Variants in SLC18A1 observed in about 807,000 individuals in gnomAD.
The protein encoded by SLC18A1 is solute carrier family 18 member A1, also known as chromaffin granule amine transporter.
Under a neutral mutation model 53.7 loss-of-function variants are expected in SLC18A1, and 69 were observed. The ratio of observed to expected loss-of-function variants is 1.28; its 90% CI spans 1.06 to 1.57. SLC18A1 has a LOEUF of 1.57. Among genes scored for constraint, SLC18A1 ranks in the 40% most tolerant of loss-of-function variants. SLC18A1 has a pLI of 0.00. For synonymous variants in SLC18A1, 320 were observed against 248.1 expected (o/e 1.29, Z -2.72); for missense variants, 932 against 668.1 (o/e 1.40, Z -4.35).
intron 6 of SLC18A1, among the ~76,000 whole-genome samples, chr8:20,172,611 G>A (rs1374614304): frequency 6.6e-6 from 1 of 152,192 alleles, no homozygotes; most frequent in Non-Finnish European, 1.5e-5. Flanking sequence ...TCCTAGCTGT[G>A]TGATGTTGGA....
chr8:20,162,034 A>G (rs1414974243), intron 10 of SLC18A1, among the ~76,000 whole-genome samples: 2 of 152,172 alleles, frequency 1.3e-5, no homozygotes, highest in African/African-American at 4.8e-5. Flanking sequence ...TGCACCACAT[A>G]GACACCACCA....
chr8:20,182,971 A>C (rs2072466722), intron 1 of SLC18A1, 92 bp downstream of exon 1: 1 of 152,252 alleles, frequency 6.6e-6, no homozygotes, highest in African/African-American at 2.4e-5. Flanking sequence ...CCAACAAATC[A>C]ATAGTAAACT....
In SLC18A1 at chr8:20,181,062, G is replaced by C. The variant is rs556980767; in HGVS notation, c.-98C>G. On this transcript the variant is annotated 5_prime_UTR_variant, in exon 2 of 16. Transcript: ENST00000276373. ...TGCAGCCTTTATGGAAGAGGGGAGG[G>C]AGTCTGCCCAGACGAAGGAAACTCA... is the stretch of plus-strand genomic sequence containing the variant. The C allele has an allele frequency of 3.5e-6, 5 of 1,424,646 alleles. 1 individual carries two copies. In the South Asian group the frequency reaches 6.9e-5, roughly 20 times the overall value. 88.3% of individuals were successfully genotyped at this position (1,424,646 alleles called of 1,614,324 possible).
At chr8:20,183,025 G>A (rs2072468199) in intron 1 of SLC18A1, 38 bp downstream of exon 1, 2 of 152,160 alleles carry the variant, frequency 1.3e-5, no homozygotes, top group South Asian at 2.1e-4. Flanking sequence ...CAAATCACAA[G>A]GAAAGATTAA....
At chr8:20,174,595 T>C (rs2072211457) in intron 4 of SLC18A1, 151 bp from the exon 5 acceptor site, 1 of 607,066 alleles carries the variant, frequency 1.6e-6, no homozygotes, top group Non-Finnish European at 3.0e-6. Context: ...TTTTGAGTTG[T>C]CTTTTCAATC....
intron 6 of SLC18A1, 80 bp from the exon 7 acceptor site, chr8:20,171,574 A>T: frequency 8.7e-7 from 1 of 1,151,722 alleles, no homozygotes; most frequent in Non-Finnish European, 1.3e-6. Context: ...TTACCCCGTG[A>T]GCATTTGCAG....
intron 8 of SLC18A1, among the ~76,000 whole-genome samples, chr8:20,167,189 A>G (rs114831306): frequency 0.014 from 2,117 of 152,172 alleles, 51 homozygotes; most frequent in African/African-American, 0.049. Flanking sequence ...ATCATGCATT[A>G]CATAATCACA....
chr8:20,177,364 C>T (rs182541647), intron 4 of SLC18A1, among the ~76,000 whole-genome samples: 2 of 152,100 alleles, frequency 1.3e-5, no homozygotes, highest in African/African-American at 4.8e-5. Context: ...AAGAGGAAGA[C>T]AGAAAGTAGA....
At chr8:20,177,103 T>A (rs1000869690) in intron 4 of SLC18A1, among the ~76,000 whole-genome samples, 2 of 152,332 alleles carry the variant, frequency 1.3e-5, no homozygotes, top group East Asian at 1.9e-4. Flanking sequence ...GCACCTGGCA[T>A]CTTATTATTT....
intron 4 of SLC18A1, chr8:20,175,347 C>G (rs1249513035): frequency 1.3e-5 from 2 of 152,156 alleles, no homozygotes; most frequent in Non-Finnish European, 2.9e-5. Flanking sequence ...GACATACATC[C>G]TCAGTTTACG....
chr8:20,161,375 A>T (rs1365129753), intron 10 of SLC18A1, among the ~76,000 whole-genome samples: 13 of 152,222 alleles, frequency 8.5e-5, no homozygotes, highest in Admixed American at 8.5e-4. Flanking sequence ...ATAACAGTAC[A>T]AGATAAAAAT....
intron 11 of SLC18A1, 21 bp from the exon 12 acceptor site, chr8:20,149,748 T>A (rs767238642): frequency 7.4e-6 from 12 of 1,613,028 alleles, no homozygotes; most frequent in Non-Finnish European, 1.0e-5. Context: ...AAAGCCATCA[T>A]CAAACACCAC....
intron 6 of SLC18A1, among the ~76,000 whole-genome samples, 173 bp downstream of exon 6, chr8:20,172,862 TC>T (rs2072158340): frequency 6.6e-6 from 1 of 152,202 alleles, no homozygotes; most frequent in Admixed American, 6.5e-5. Context: ...TTTATGTGTT[TC>T]CCAGCTTCTT....
intron 13 of SLC18A1, 59 bp from the exon 14 acceptor site, chr8:20,147,781 TCTC>T: frequency 2.5e-6 from 4 of 1,593,796 alleles, no homozygotes; most frequent in Non-Finnish European, 2.6e-6. Flanking sequence ...CCACCCCGCC[TCTC>T]CTCCTCCATT....
intron 2 of SLC18A1, among the ~76,000 whole-genome samples, chr8:20,179,972 G>T (rs1029328397): frequency 1.3e-5 from 2 of 152,180 alleles, no homozygotes; most frequent in African/African-American, 4.8e-5. Flanking sequence ...TGGGACCCCT[G>T]GACAGGGTTT....
rs150898886 is a variant in SLC18A1, at chr8:20,151,299, A to C, written c.1016-555T>G. On this transcript the variant is annotated intron_variant, in intron 10 of 15. Coordinates refer to ENST00000276373, the MANE Select transcript of SLC18A1 (RefSeq NM_003053.4). ...CCCACACCTGGCCTAGCCTCAGTAC[A>C]TTTAATGTGCTTCCAGCTCCCCACT... Among the ~76,000 whole-genome samples, 1,081 of 152,084 alleles carry C rather than the reference A, an allele frequency of 7.1e-3. 10 individuals are homozygous for C. Among genetic ancestry groups the C allele is most frequent in the African/African-American group, 0.025 (1,038 of 41,498 alleles).
intron 10 of SLC18A1, among the ~76,000 whole-genome samples, chr8:20,161,517 C>T (rs1347693087): frequency 1.3e-5 from 2 of 152,060 alleles, no homozygotes. Flanking sequence ...AAATACGATG[C>T]CATTCTATGT....
At position 20,180,902 on chromosome 8, in the gene SLC18A1, C is replaced by G. The variant is rs2072408826; in HGVS notation, c.63G>C (p.Gln21His). 1.2e-6 allele frequency: 2 copies of G among 1,613,018 alleles called. No individual in the cohort carries two copies. Among genetic ancestry groups the G allele is most frequent in the Non-Finnish European group, 8.5e-7 (1 of 1,179,410 alleles). ...RLLKEGRASR[Q>H]LVLVVVFVAL... ...CGACGAATACCACCACCAGCACCAG[C>G]TGCCGGGACGCTCTCCCCTCCTTCA... Residue 21 changes from glutamine (Q) to histidine (H), a missense_variant, in exon 2 of 16, where the codon CAG becomes CAC. Transcript: ENST00000276373.
intron 12 of SLC18A1, chr8:20,148,489 G>A (rs2071462984): frequency 3.9e-6 from 5 of 1,287,870 alleles, no homozygotes; most frequent in Non-Finnish European, 4.1e-6. Context: ...ATCACTGAAA[G>A]GTTTCATTTA....
Sources: allele counts gnomAD v4.1 joint callset (sites outside exome capture counted in the v4.1 genomes callset), GRCh38; gene constraint gnomAD v4.1.1; transcripts MANE v1.5; gene names NCBI Gene and HGNC (gene_info 2026-07-23, HGNC 2026-07-21).